Variants in VPS13B observed in about 807,000 individuals in gnomAD.
VPS13B encodes the protein vacuolar protein sorting 13 homolog B, also known as intermembrane lipid transfer protein VPS13B.
VPS13B carries 285 observed loss-of-function variants against 426.4 expected under a neutral mutation model. The observed-to-expected ratio is 0.67, with a 90% CI of 0.61 to 0.74. The LOEUF is 0.74. Ranked by LOEUF, VPS13B falls within the 30% of genes least tolerant of loss-of-function variation. The pLI is 0.00. For synonymous variants in VPS13B, 1,676 were observed against 1,676.4 expected (o/e 1.00, Z 0.01); for missense variants, 4,537 against 4,782.6 (o/e 0.95, Z 1.51).
intron 21 of VPS13B, among the ~76,000 whole-genome samples, chr8:99,429,197 G>T (rs1467593364): frequency 6.6e-6 from 1 of 151,510 alleles, no homozygotes; most frequent in Non-Finnish European, 1.5e-5. Flanking sequence ...GAGTTAATGG[G>T]TGCAGCCCAC....
intron 35 of VPS13B, among the ~76,000 whole-genome samples, chr8:99,679,872 A>G (rs576710999): frequency 6.1e-4 from 93 of 152,326 alleles, no homozygotes; most frequent in Non-Finnish European, 6.6e-4. Context: ...TTGCTGAATA[A>G]GAGAAAAAAA....
chr8:99,052,990 A>T (rs951095083), intron 3 of VPS13B, among the ~76,000 whole-genome samples: 3 of 151,714 alleles, frequency 2.0e-5, no homozygotes, highest in Non-Finnish European at 4.4e-5. Flanking sequence ...CAGCTGCTGG[A>T]TTCATTGATT....
intron 20 of VPS13B, among the ~76,000 whole-genome samples, chr8:99,389,902 C>G (rs1204874659): frequency 6.6e-6 from 1 of 151,756 alleles, no homozygotes; most frequent in African/African-American, 2.4e-5. Context: ...TCTAGTCCAC[C>G]CCCCCTCCTT....
intron 40 of VPS13B, among the ~76,000 whole-genome samples, chr8:99,771,697 C>T (rs1811498712): frequency 6.6e-6 from 1 of 152,210 alleles, no homozygotes; most frequent in Non-Finnish European, 1.5e-5. Context: ...GTTGAACTCT[C>T]TCCTCCCAAA....
At chr8:99,703,939 T>C (rs2130215085) in intron 36 of VPS13B, among the ~76,000 whole-genome samples, 1 of 152,144 alleles carries the variant, frequency 6.6e-6, no homozygotes, top group South Asian at 2.1e-4. Flanking sequence ...TCCATATATG[T>C]AGATAAGGAA....
intron 19 of VPS13B, among the ~76,000 whole-genome samples, chr8:99,281,723 G>A (rs574778439): frequency 7.2e-5 from 11 of 152,310 alleles, no homozygotes; most frequent in East Asian, 3.9e-4. Context: ...CTGTGGTAGC[G>A]TATGATCTTA....
intron 35 of VPS13B, among the ~76,000 whole-genome samples, chr8:99,695,774 T>C (rs946804097): frequency 2.7e-5 from 4 of 150,248 alleles, no homozygotes; most frequent in African/African-American, 9.8e-5. Context: ...AAGGAACACT[T>C]ACAAGGGATG....
At chr8:99,699,484 A>G in intron 35 of VPS13B, 41 bp from the exon 36 acceptor site, 1 of 1,603,504 alleles carries the variant, frequency 6.2e-7, no homozygotes, top group South Asian at 1.1e-5. Context: ...GTATTCAGTA[A>G]GAAAGCTTCA....
chr8:99,701,028 T>G (rs1832256122), intron 36 of VPS13B, among the ~76,000 whole-genome samples: 1 of 152,204 alleles, frequency 6.6e-6, no homozygotes, highest in Non-Finnish European at 1.5e-5. Flanking sequence ...TAGTTCCACA[T>G]AGCCAGGTTG....
At chr8:99,735,445 G>A (rs899110606) in intron 39 of VPS13B, among the ~76,000 whole-genome samples, 1 of 152,142 alleles carries the variant, frequency 6.6e-6, no homozygotes, top group Non-Finnish European at 1.5e-5. Context: ...CAGACACACA[G>A]AGGGGAAGAC....
chr8:99,555,317 A>G (rs1330599631), intron 30 of VPS13B, among the ~76,000 whole-genome samples: 1 of 152,158 alleles, frequency 6.6e-6, no homozygotes, highest in Non-Finnish European at 1.5e-5. Context: ...CAACCAAGGC[A>G]TAAACTGAAT....
chr8:99,305,230 A>C (rs1277782530), intron 19 of VPS13B, among the ~76,000 whole-genome samples: 1 of 152,104 alleles, frequency 6.6e-6, no homozygotes, highest in African/African-American at 2.4e-5. Flanking sequence ...CTTTGTATCA[A>C]TGCATTCCAC....
At chr8:99,420,665 TG>T (rs1015339025) in intron 21 of VPS13B, among the ~76,000 whole-genome samples, 15 of 152,184 alleles carry the variant, frequency 9.9e-5, no homozygotes, top group African/African-American at 3.4e-4. Flanking sequence ...TACTCTTTCT[TG>T]CTACACCATA....
At chr8:99,280,098 G>A (rs1392427688) in intron 19 of VPS13B, among the ~76,000 whole-genome samples, 1 of 152,088 alleles carries the variant, frequency 6.6e-6, no homozygotes, top group African/African-American at 2.4e-5. Context: ...CCAGTGTTAA[G>A]AGTTCTATTT....
At chr8:99,211,313 C>G (rs974364179) in intron 17 of VPS13B, among the ~76,000 whole-genome samples, 6 of 152,182 alleles carry the variant, frequency 3.9e-5, no homozygotes, top group African/African-American at 1.2e-4. Context: ...ACACCTCTGG[C>G]TGAATTCTTG....
chr8:99,565,595 G>C (rs1825138827), intron 31 of VPS13B, among the ~76,000 whole-genome samples: 2 of 151,956 alleles, frequency 1.3e-5, no homozygotes, highest in African/African-American at 4.8e-5. Flanking sequence ...TGTGTCCTTA[G>C]ATCTCTTTTA....
intron 39 of VPS13B, among the ~76,000 whole-genome samples, chr8:99,752,445 C>A (rs541351731): frequency 6.6e-6 from 1 of 152,136 alleles, no homozygotes; most frequent in Non-Finnish European, 1.5e-5. Context: ...CACATATGCT[C>A]ATTTACATAT....
chr8:99,221,523 A>C (rs1362751884), intron 17 of VPS13B, among the ~76,000 whole-genome samples: 1 of 152,256 alleles, frequency 6.6e-6, no homozygotes, highest in South Asian at 2.1e-4. Flanking sequence ...CTATTTTCTT[A>C]TGAATATATC....
intron 19 of VPS13B, among the ~76,000 whole-genome samples, chr8:99,343,661 A>G (rs1263046495): frequency 1.6e-4 from 24 of 152,238 alleles, no homozygotes; most frequent in Admixed American, 1.6e-3. Flanking sequence ...ACTATCCGAA[A>G]AGGAAATTAA....
Sources: allele counts gnomAD v4.1 joint callset (sites outside exome capture counted in the v4.1 genomes callset), GRCh38; gene constraint gnomAD v4.1.1; transcripts MANE v1.5; gene names NCBI Gene and HGNC (gene_info 2026-07-23, HGNC 2026-07-21).